The following PRR5 variants were observed in gnomAD, a reference collection of about 807,000 sequenced individuals.
The protein encoded by PRR5 is proline-rich protein 5.
In PRR5, 25 loss-of-function variants were observed where a neutral mutation model predicts 30.6. The ratio of observed to expected loss-of-function variants is 0.82; its 90% confidence interval spans 0.60 to 1.14. PRR5 has a LOEUF of 1.14. PRR5 is among the 50% of genes most tolerant of loss of function. The probability of loss-of-function intolerance (pLI) is 0.00; values close to 1 mark genes in which losing one functional copy is unlikely to be tolerated. For missense variants in PRR5, 600 were observed against 547.1 expected, an observed-to-expected ratio of 1.10 and a Z score of -0.96; for synonymous variants, 286 against 247.1, an observed-to-expected ratio of 1.16 and a Z score of -1.48.
intron 1 of PRR5, among the ~76,000 whole-genome samples, chr22:44,688,370 C>T (rs937203141): frequency 5.3e-5 from 8 of 151,934 alleles, no homozygotes; most frequent in African/African-American, 7.2e-5. Flanking sequence ...GGCTACAGAG[C>T]GAGACTTCGT....
At chr22:44,732,844 GCA>G (rs132399) in intron 6 of PRR5, among the ~76,000 whole-genome samples, 78,939 of 123,072 alleles carry the variant, frequency 0.64, 23,671 homozygotes, top group Non-Finnish European at 0.72. Context: ...CTACACACGT[GCA>G]CACACGTGCA....
upstream of PRR5, among the ~76,000 whole-genome samples, chr22:44,697,311 G>A (rs761828465): frequency 1.3e-5 from 2 of 152,176 alleles, no homozygotes; most frequent in Non-Finnish European, 2.9e-5. Flanking sequence ...CCACCCTGGC[G>A]GCGGTCACCA....
intron 1 of PRR5, among the ~76,000 whole-genome samples, chr22:44,702,871 G>A (rs1238788798): frequency 6.6e-6 from 1 of 152,230 alleles, no homozygotes; most frequent in Non-Finnish European, 1.5e-5. Context: ...GGTGGGCGGC[G>A]GGGTGGGCCG....
At chr22:44,729,929 T>G in intron 4 of PRR5, 4 of 985,448 alleles carry the variant, frequency 4.1e-6, no homozygotes, top group Non-Finnish European at 4.8e-6. Context: ...TGAAGGGACT[T>G]TGTGTGTGGG....
At chr22:44,681,735 G>A (rs147806275) in intron 1 of PRR5, among the ~76,000 whole-genome samples, 20 of 152,316 alleles carry the variant, frequency 1.3e-4, no homozygotes, top group African/African-American at 4.8e-4. Flanking sequence ...GGGCCCTGCT[G>A]GGAAAGAGCA....
intron 1 of PRR5, among the ~76,000 whole-genome samples, chr22:44,685,708 A>G (rs1924688667): frequency 6.6e-6 from 1 of 152,222 alleles, no homozygotes; most frequent in Non-Finnish European, 1.5e-5. Flanking sequence ...GTGGTGCCTG[A>G]CACCCTCTCA....
intron 1 of PRR5, chr22:44,679,791 C>T: frequency 2.5e-6 from 4 of 1,592,956 alleles, no homozygotes; most frequent in Non-Finnish European, 3.4e-6. Flanking sequence ...GGTCAGAAGA[C>T]ATAGAGCCAT....
At chr22:44,703,756 A>G (rs1473777968) in intron 1 of PRR5, among the ~76,000 whole-genome samples, 1 of 152,110 alleles carries the variant, frequency 6.6e-6, no homozygotes, top group Non-Finnish European at 1.5e-5. Context: ...GGCGGCTCAC[A>G]CCTGTAATCC....
Position 44,693,616 on chromosome 22 carries a change from CTTTTTTTTT to C in PRR5, c.-10-8861_-10-8853del, listed in dbSNP as rs1228023916. Among the ~76,000 whole-genome samples the C allele has an allele frequency of 7.9e-3, 713 of 90,566 alleles. 9 individuals are homozygous for C. The highest frequency in any genetic ancestry group is 0.025 in the African/African-American group (645 of 25,370). The allele number at this position is 90,566 out of a possible 152,430, so 59.4% of individuals were successfully genotyped here. A position where few individuals can be genotyped will look rare whatever the true frequency, so the allele number is the denominator to read the frequency against. On this transcript the variant is annotated intron_variant, in intron 1 of 8. Transcript: ENST00000006251. ...TCTGTGACTTCACATTTCACATGGA[CTTTTTTTTT>C]TTTTTTTTTTTTTTCTGAGGTGGAG...
At chr22:44,676,436 GAAGAA>G (rs140568938), upstream of PRR5, among the ~76,000 whole-genome samples, 6 of 143,686 alleles carry the variant, frequency 4.2e-5, no homozygotes, top group South Asian at 4.7e-4. Flanking sequence ...AAAGAGAAGA[GAAGAA>G]AAGAAAAGAA....
Position 44,736,795 on chromosome 22 carries a change from CG to C in PRR5, c.716del (p.Arg239ProfsTer22). Reference protein sequence around the residue: ...ILEKRLLRRSRSGDVLAKNPV... With the variant: ...ILEKRLLRRSXSGDVLAKNPV... Reference sequence around the variant, plus strand: ...AGAAAAGCGCCTCCTCCGCCGCTCCCGCTCGGGGGACGTGCTGGCCAAGAAC... The same window carrying C: ...AGAAAAGCGCCTCCTCCGCCGCTCCCCTCGGGGGACGTGCTGGCCAAGAAC... On this transcript the variant is annotated frameshift_variant, in exon 8 of 8. Transcript: ENST00000336985. LOFTEE classifies it low-confidence loss of function (END_TRUNC). 1 of 1,562,400 alleles carries C rather than the reference CG, an allele frequency of 6.4e-7. No individual in the cohort carries two copies. The highest frequency in any genetic ancestry group is 1.2e-5 in the South Asian group (1 of 86,160).
At chr22:44,698,238 G>A (rs981744652), upstream of PRR5, among the ~76,000 whole-genome samples, 15 of 152,302 alleles carry the variant, frequency 9.8e-5, no homozygotes, top group East Asian at 3.9e-4. Context: ...AGGAGAGGAC[G>A]TGGTTGATGC....
At chr22:44,680,016 A>ATT in intron 1 of PRR5, 1 of 770,220 alleles carries the variant, frequency 1.3e-6, no homozygotes, top group Non-Finnish European at 2.1e-6. Context: ...GCTGGACCTC[A>ATT]GCCTGAGTGA....
Position 44,702,279 on chromosome 22 carries a change from C to T in PRR5, c.-196C>T, listed in dbSNP as rs1865972644. The stretch of plus-strand genomic sequence containing the variant: ...CTGAGCCTCTCCGTGCAATGATTAA[C>T]CCGGCGGGGCGGCCGGCGCGGGACC... On this transcript the variant is annotated 5_prime_UTR_variant, in exon 1 of 8. Coordinates refer to ENST00000336985, the MANE Select transcript of PRR5 (RefSeq NM_181333.4). 3 of 1,144,146 alleles carry T rather than the reference C, an allele frequency of 2.6e-6. No homozygotes were observed. The highest frequency in any genetic ancestry group is 4.7e-5 in the Admixed American group (1 of 21,074). The allele number at this position is 1,144,146 out of a possible 1,614,324, so 70.9% of individuals were successfully genotyped here. A position where few individuals can be genotyped will look rare whatever the true frequency, so the allele number is the denominator to read the frequency against.
Position 44,737,447 on chromosome 22 carries a change from A to G in PRR5, c.*200A>G. The G allele has an allele frequency of 1.7e-6, 2 of 1,167,356 alleles. No individual in the cohort carries two copies. The highest frequency in any genetic ancestry group is 2.3e-6 in the Non-Finnish European group (2 of 870,644). 72.3% of individuals were successfully genotyped at this position (1,167,356 alleles called of 1,614,324 possible). ...TCCTTGCTCGGCCCAGGTCTGTTTCAGGCATCTGAGTCGGCGTTTACCCAG... is the reference window on the plus strand; with the variant it reads ...TCCTTGCTCGGCCCAGGTCTGTTTCGGGCATCTGAGTCGGCGTTTACCCAG... On this transcript the variant is annotated 3_prime_UTR_variant, in exon 8 of 8. Coordinates refer to ENST00000336985, the MANE Select transcript of PRR5 (RefSeq NM_181333.4).
At chr22:44,713,566 A>G (rs1312729489) in intron 1 of PRR5, among the ~76,000 whole-genome samples, 2 of 151,826 alleles carry the variant, frequency 1.3e-5, no homozygotes, top group African/African-American at 2.4e-5. Flanking sequence ...GGGTCTCACT[A>G]TGTTGCCCTG....
At chr22:44,686,512 ATTTG>A (rs939596576) in intron 1 of PRR5, among the ~76,000 whole-genome samples, 1 of 138,586 alleles carries the variant, frequency 7.2e-6, no homozygotes, top group Non-Finnish European at 1.6e-5. Context: ...AATTTTTTTT[ATTTG>A]TTTGTTTTGT....
At chr22:44,697,790 C>A (rs1039732425), upstream of PRR5, among the ~76,000 whole-genome samples, 4 of 152,226 alleles carry the variant, frequency 2.6e-5, no homozygotes, top group African/African-American at 9.6e-5. Context: ...CCTCGGCCTC[C>A]CTGGGCCTCT....
At chr22:44,700,536 G>A (rs1222637386), upstream of PRR5, among the ~76,000 whole-genome samples, 1 of 151,968 alleles carries the variant, frequency 6.6e-6, no homozygotes, top group African/African-American at 2.4e-5. Flanking sequence ...TAACGTGGGA[G>A]GGTTGCTTGA....
Sources: gnomAD v4.1 joint callset for allele counts (sites outside exome capture counted in the v4.1 genomes callset) on GRCh38, gnomAD v4.1.1 for gene constraint, MANE v1.5 for transcripts, NCBI Gene and HGNC (gene_info 2026-07-23, HGNC 2026-07-21) for gene names.